Variants in TMEM236 observed in about 807,000 individuals in gnomAD.
TMEM236 encodes the protein family with sequence similarity 23, member A.
A neutral mutation model predicts 14.7 loss-of-function variants in TMEM236; 11 were observed. The observed-to-expected ratio is 0.75, with a 90% CI of 0.47 to 1.24. The LOEUF (loss-of-function observed/expected upper bound fraction) is 1.24. TMEM236 is among the 50% of genes most tolerant of loss of function. The pLI, the probability that TMEM236 is intolerant of heterozygous loss-of-function variation, is 0.00. For synonymous variants in TMEM236, 182 were observed against 168.6 expected, an observed-to-expected ratio of 1.08 and a Z score of -0.62; for missense variants, 464 against 427.3, an observed-to-expected ratio of 1.09 and a Z score of -0.76.
In TMEM236 at chr10:17,796,274, T is replaced by C; in HGVS notation, c.826T>C (p.Ser276Pro). The stretch of plus-strand genomic sequence containing the variant: ...CCCAGTCTACATATTCAGTTTTATT[T>C]CTCTCCTTCGAATTACATTCACTCC... ...LYPVYIFSFISLLRITFTPQN... is the reference protein window; with the variant it reads ...LYPVYIFSFIPLLRITFTPQN... The change falls in exon 4 of 4, where the codon TCT (serine) becomes CCT (proline). Residue 276 changes from serine (S) to proline (P), a missense_variant. Physicochemically the swap from Ser to Pro is moderately conservative, Grantham distance 74. Coordinates refer to ENST00000377495, the MANE Select transcript of TMEM236 (RefSeq NM_001098844.3). 6.2e-7 allele frequency: 1 copy of C among 1,613,960 alleles called. No individual in the cohort carries two copies. The highest frequency in any genetic ancestry group is 1.1e-5 in the South Asian group (1 of 91,076).
intron 3 of TMEM236, among the ~76,000 whole-genome samples, chr10:17,784,143 G>T (rs1837797852): frequency 6.6e-6 from 1 of 152,084 alleles, no homozygotes; most frequent in Non-Finnish European, 1.5e-5. Flanking sequence ...TGCTTAAAAA[G>T]TCTTTTTTTC....
intron 1 of TMEM236, among the ~76,000 whole-genome samples, chr10:17,762,710 CG>C: frequency 6.7e-6 from 1 of 149,074 alleles, no homozygotes; most frequent in East Asian, 2.0e-4. Flanking sequence ...CTCTGTCACC[CG>C]GGTTGGAGTG....
At chr10:17,757,727 G>T (rs1370369224) in intron 1 of TMEM236, among the ~76,000 whole-genome samples, 2 of 151,934 alleles carry the variant, frequency 1.3e-5, no homozygotes, top group African/African-American at 4.8e-5. Context: ...TTGAATGCCA[G>T]GTGTGTTTCA....
At chr10:17,777,821 C>T (rs1246823866) in intron 3 of TMEM236, among the ~76,000 whole-genome samples, 2 of 152,184 alleles carry the variant, frequency 1.3e-5, no homozygotes, top group East Asian at 3.9e-4. Flanking sequence ...TCGCTGCAAC[C>T]TCTGCCTCCT....
At chr10:17,757,570 G>A (rs2131739831) in intron 1 of TMEM236, among the ~76,000 whole-genome samples, 1 of 148,344 alleles carries the variant, frequency 6.7e-6, no homozygotes, top group Non-Finnish European at 1.5e-5. Context: ...CTGCACTCTA[G>A]CCTGGGTCAC....
chr10:17,761,003 G>A (rs1564592851), intron 1 of TMEM236, among the ~76,000 whole-genome samples: 3 of 152,144 alleles, frequency 2.0e-5, no homozygotes, highest in African/African-American at 4.8e-5. Flanking sequence ...CAGCCAAGCC[G>A]TATCACACTG....
rs1438120727 is a variant in TMEM236, at chr10:17,799,456, G to T, written c.*2952G>T. On this transcript the variant is annotated 3_prime_UTR_variant, in exon 4 of 4. Transcript: ENST00000377495. ...CTAAAAATACAAAAATTAGCTGGGT[G>T]TGGTGGCACGCGCCTGTAGTCTCAG... The T allele has an allele frequency of 6.6e-6, 1 of 152,208 alleles. No homozygotes were observed. Among genetic ancestry groups the T allele is most frequent in the Non-Finnish European group, 1.5e-5 (1 of 68,076 alleles). The allele number at this position is 152,208 out of a possible 1,614,324, so 9.4% of individuals were successfully genotyped here. A position where few individuals can be genotyped will look rare whatever the true frequency, so the allele number is the denominator to read the frequency against.
intron 3 of TMEM236, among the ~76,000 whole-genome samples, chr10:17,794,228 C>T (rs1039767969): frequency 0.19 from 29,103 of 152,018 alleles, 3,164 homozygotes; most frequent in Non-Finnish European, 0.24. Context: ...TTCAGTTCCA[C>T]GCGCTTCAAC....
chr10:17,792,363 C>T (rs927623379), intron 3 of TMEM236, among the ~76,000 whole-genome samples: 1 of 152,344 alleles, frequency 6.6e-6, no homozygotes, highest in East Asian at 1.9e-4. Context: ...GCTGGGATTA[C>T]AGGCGTAAGC....
chr10:17,773,288 T>G (rs1837604294), intron 2 of TMEM236, among the ~76,000 whole-genome samples: 2 of 152,310 alleles, frequency 1.3e-5, no homozygotes, highest in East Asian at 1.9e-4. Context: ...CTATAGCATC[T>G]CTATAGAACT....
chr10:17,762,021 A>G (rs937936753), intron 1 of TMEM236, among the ~76,000 whole-genome samples: 14 of 152,212 alleles, frequency 9.2e-5, no homozygotes, highest in African/African-American at 3.4e-4. Context: ...CATGGCCAGG[A>G]GCTGTCACAT....
chr10:17,769,680 C>T (rs1837535479), intron 1 of TMEM236, among the ~76,000 whole-genome samples: 1 of 152,232 alleles, frequency 6.6e-6, no homozygotes, highest in Admixed American at 6.5e-5. Flanking sequence ...TTCCATCAGG[C>T]TGGTCTTAGC....
chr10:17,783,641 G>A (rs1160400881), intron 3 of TMEM236, among the ~76,000 whole-genome samples: 1 of 152,156 alleles, frequency 6.6e-6, no homozygotes, highest in African/African-American at 2.4e-5. Flanking sequence ...CACAGTCCGT[G>A]CAAGCTTTTA....
intron 2 of TMEM236, among the ~76,000 whole-genome samples, chr10:17,773,075 T>C (rs1339838401): frequency 6.6e-6 from 1 of 152,200 alleles, no homozygotes; most frequent in East Asian, 1.9e-4. Flanking sequence ...GTTCTACTCT[T>C]GGTCGCCATC....
At chr10:17,781,367 G>C (rs1385451268) in intron 3 of TMEM236, among the ~76,000 whole-genome samples, 1 of 152,174 alleles carries the variant, frequency 6.6e-6, no homozygotes, top group African/African-American at 2.4e-5. Flanking sequence ...TGGGAGGCAA[G>C]TTTCCTTCTT....
intron 1 of TMEM236, among the ~76,000 whole-genome samples, chr10:17,770,014 A>T (rs940011784): frequency 6.6e-6 from 1 of 152,102 alleles, no homozygotes; most frequent in East Asian, 1.9e-4. Context: ...AATGGTCCCC[A>T]GTGTCTATTC....
chr10:17,792,477 C>T (rs1837942095), intron 3 of TMEM236, among the ~76,000 whole-genome samples: 1 of 152,192 alleles, frequency 6.6e-6, no homozygotes, highest in Admixed American at 6.5e-5. Flanking sequence ...GAATTGTTAT[C>T]ATGTGCCTTT....
intron 1 of TMEM236, among the ~76,000 whole-genome samples, chr10:17,765,813 G>A (rs1032821245): frequency 2.6e-4 from 40 of 152,154 alleles, no homozygotes; most frequent in African/African-American, 1.7e-4. Flanking sequence ...TAAGTTGGGC[G>A]CCTCTGGGCT....
At chr10:17,786,606 C>T (rs1837841302) in intron 3 of TMEM236, among the ~76,000 whole-genome samples, 1 of 152,214 alleles carries the variant, frequency 6.6e-6, no homozygotes, top group East Asian at 1.9e-4. Flanking sequence ...TTCTCATGTT[C>T]TGCTTCCACT....
Sources: allele counts gnomAD v4.1 joint callset (sites outside exome capture counted in the v4.1 genomes callset), GRCh38; gene constraint gnomAD v4.1.1; transcripts MANE v1.5; gene names NCBI Gene and HGNC (gene_info 2026-07-23, HGNC 2026-07-21).